CCT8: variants seen among roughly 807,000 people sequenced by gnomAD.
The protein encoded by CCT8 is chaperonin containing TCP1 subunit 8.
CCT8 carries 10 observed loss-of-function variants against 65.7 expected under a neutral mutation model. That is an observed-to-expected ratio of 0.15 (90% confidence interval 0.09 to 0.26). CCT8 has a LOEUF of 0.26. CCT8 is among the 10% of genes least tolerant of loss of function. The pLI, the probability that CCT8 is intolerant of heterozygous loss-of-function variation, is 1.00. For synonymous variants in CCT8, 199 were observed against 221.8 expected (o/e 0.90, Z 0.92); for missense variants, 568 against 669.1 (o/e 0.85, Z 1.67).
At chr21:29,073,072 C>T (rs1204913688) in intron 1 of CCT8, 1 of 174,446 alleles carries the variant, frequency 5.7e-6, no homozygotes, top group Non-Finnish European at 1.1e-5. Context: ...AAGACCCGGC[C>T]CTTTTTCCCA....
intron 14 of CCT8, among the ~76,000 whole-genome samples, chr21:29,057,686 T>C (rs1479725985): frequency 2.4e-5 from 2 of 82,106 alleles, no homozygotes; most frequent in Non-Finnish European, 7.7e-5. Flanking sequence ...ATACGATACA[T>C]ATATCATACA....
intron 4 of CCT8, 46 bp downstream of exon 4, chr21:29,067,510 A>G (rs770674860): frequency 9.9e-6 from 14 of 1,413,458 alleles, no homozygotes; most frequent in Non-Finnish European, 1.3e-5. Flanking sequence ...GCAGGTGTAT[A>G]TGTAAGCAAA....
chr21:29,066,816 G>A, intron 5 of CCT8, 39 bp from the exon 6 acceptor site: 4 of 1,579,442 alleles, frequency 2.5e-6, no homozygotes, highest in Non-Finnish European at 3.5e-6. Context: ...ATTATTTTGG[G>A]ACAACAGAGA....
intron 14 of CCT8, chr21:29,059,589 ATAAG>A (rs1390971576): frequency 1.3e-5 from 2 of 152,196 alleles, no homozygotes; most frequent in Non-Finnish European, 2.9e-5. Context: ...AATTTCTAGA[ATAAG>A]TATTTTCTTA....
In CCT8 at chr21:29,061,355, G is replaced by A. The variant is rs773410665; in HGVS notation, c.1347C>T (p.Pro449=). ...CTCCAGAGTTTTCTGCCAGTGCGCG[G>A]GGAATAGCTTCAAATGCCTCAGCAA... The part of the protein sequence containing the change: ...KKFAEAFEAI[P]RALAENSGVK... Residue 449 remains proline (P), a synonymous_variant, in exon 13 of 15, where the codon CCC becomes CCT. Transcript: ENST00000286788. The A allele has an allele frequency of 1.2e-6, 2 of 1,613,918 alleles. No homozygotes were observed. The highest frequency in any genetic ancestry group is 1.7e-5 in the Admixed American group (1 of 60,006).
At chr21:29,059,271 C>A (rs1413864914) in intron 14 of CCT8, among the ~76,000 whole-genome samples, 1 of 152,222 alleles carries the variant, frequency 6.6e-6, no homozygotes, top group Non-Finnish European at 1.5e-5. Flanking sequence ...ATACTATACA[C>A]TATATACACA....
chr21:29,057,641 CATTTG>C (rs2085513244), intron 14 of CCT8, among the ~76,000 whole-genome samples: 1 of 120,098 alleles, frequency 8.3e-6, no homozygotes, highest in African/African-American at 2.7e-5. Flanking sequence ...ATATATATAA[CATTTG>C]ATAATATATA....
At chr21:29,063,658 A>T in intron 7 of CCT8, 128 bp from the exon 8 acceptor site, 4 of 804,576 alleles carry the variant, frequency 5.0e-6, no homozygotes, top group Non-Finnish European at 7.8e-6. Context: ...TGCATATATT[A>T]TGAAGCAGCA....
rs371144084 is a variant in CCT8 at position 29,061,402 on chromosome 21, C to T, written c.1300G>A (p.Glu434Lys). ...TSYGETCPGL[E>K]QYAIKKFAEA... ...GCAAACTTCTTAATAGCATACTGTTCAAGTCCAGGACATGTCTAAAACAAA... is the reference window on the plus strand; with the variant it reads ...GCAAACTTCTTAATAGCATACTGTTTAAGTCCAGGACATGTCTAAAACAAA... The change falls in exon 13 of 15, where the codon GAA becomes AAA. Residue 434 changes from glutamate (E) to lysine (K), a missense_variant. Physicochemically the swap from Glu to Lys is moderately conservative, Grantham distance 56. Coordinates refer to ENST00000286788, the MANE Select transcript of CCT8 (RefSeq NM_006585.4). 1.2e-6 allele frequency: 2 copies of T among 1,613,988 alleles called. No individual in the cohort carries two copies. The highest frequency in any genetic ancestry group is 4.5e-5 in the East Asian group (2 of 44,882).
chr21:29,061,078 A>ATTATT (rs1354083259), intron 13 of CCT8, among the ~76,000 whole-genome samples, 175 bp downstream of exon 13: 6 of 152,240 alleles, frequency 3.9e-5, no homozygotes, highest in Non-Finnish European at 8.8e-5. Context: ...ACTATCAATA[A>ATTATT]AACAGAAGGA....
At position 29,060,559 on chromosome 21, in the gene CCT8, A is replaced by G. The variant is rs200062186; in HGVS notation, c.1551T>C (p.Thr517=). Residue 517 remains threonine, a synonymous_variant, in exon 14 of 15, where the codon ACT becomes ACC. Transcript: ENST00000286788. ...AIKLATNAAV[T]VLRVDQIIMA... ...TGCTCACCTGATCCACTCTAAGTAC[A>G]GTGACTGCAGCATTAGTAGCGAGTT... is the stretch of plus-strand genomic sequence containing the variant. 6.1e-5 allele frequency: 99 copies of G among 1,613,878 alleles called. No individual in the cohort carries two copies. The Admixed American group carries it at 1.6e-3, about 27-fold the overall frequency.
chr21:29,065,832 C>T (rs565291316), intron 6 of CCT8, among the ~76,000 whole-genome samples: 128 of 152,270 alleles, frequency 8.4e-4, no homozygotes, highest in Non-Finnish European at 1.6e-3. Flanking sequence ...CCTGTAATCT[C>T]AGCACTTTGG....
intron 2 of CCT8, among the ~76,000 whole-genome samples, 160 bp from the exon 3 acceptor site, chr21:29,069,662 GC>G (rs1356051817): frequency 6.6e-6 from 1 of 152,092 alleles, no homozygotes; most frequent in Non-Finnish European, 1.5e-5. Context: ...TTATCTTATA[GC>G]CCCATGGGCA....
At chr21:29,070,483 A>C in intron 1 of CCT8, 146 bp from the exon 2 acceptor site, 4 of 488,524 alleles carry the variant, frequency 8.2e-6, no homozygotes, top group Non-Finnish European at 1.1e-5. Flanking sequence ...GCTGGTTGCA[A>C]ATCTTAGCTT....
At chr21:29,067,832 CACTGCTAT>C in intron 3 of CCT8, 127 bp from the exon 4 acceptor site, 1 of 559,392 alleles carries the variant, frequency 1.8e-6, no homozygotes, top group Admixed American at 3.8e-5. Context: ...CACACTGCTA[CACTGCTAT>C]ACGCTACTTA....
chr21:29,072,684 T>C (rs1601099014), intron 1 of CCT8, among the ~76,000 whole-genome samples: 3 of 152,250 alleles, frequency 2.0e-5, no homozygotes, highest in Non-Finnish European at 1.5e-5. Flanking sequence ...ACCACACTGA[T>C]CTATTTCTTG....
chr21:29,067,097 T>C (rs1232289381), intron 4 of CCT8, 26 bp from the exon 5 acceptor site: 1 of 1,558,898 alleles, frequency 6.4e-7, no homozygotes, highest in Non-Finnish European at 8.7e-7. Flanking sequence ...CATTTCCTAT[T>C]CTGACATGAC....
intron 3 of CCT8, among the ~76,000 whole-genome samples, chr21:29,067,955 A>C (rs1414407875): frequency 6.6e-6 from 1 of 152,222 alleles, no homozygotes; most frequent in Non-Finnish European, 1.5e-5. Flanking sequence ...TGGCCTGCAC[A>C]TACAGTGCCA....
chr21:29,060,247 T>C (rs529904871), intron 14 of CCT8, among the ~76,000 whole-genome samples: 12 of 152,282 alleles, frequency 7.9e-5, no homozygotes, highest in Non-Finnish European at 1.5e-4. Context: ...TGGTCTGCAA[T>C]GTCTGCTTGA....
Sources: gnomAD v4.1 joint callset for allele counts (sites outside exome capture counted in the v4.1 genomes callset) on GRCh38, gnomAD v4.1.1 for gene constraint, MANE v1.5 for transcripts, NCBI Gene and HGNC (gene_info 2026-07-23, HGNC 2026-07-21) for gene names.